The following RASAL2 variants were observed in gnomAD, a reference collection of about 807,000 sequenced individuals.
The protein encoded by RASAL2 is RAS protein activator like 2.
Under a neutral mutation model 128.9 loss-of-function variants are expected in RASAL2, and 58 were observed. The ratio of observed to expected loss-of-function variants is 0.45; its 90% CI spans 0.36 to 0.56. The LOEUF is 0.56. Ranked by LOEUF, RASAL2 falls within the 20% of genes least tolerant of loss-of-function variation. The pLI, the probability that RASAL2 is intolerant of heterozygous loss-of-function variation, is 0.00. For synonymous variants in RASAL2, 561 were observed against 580.8 expected (o/e 0.97, Z 0.49); for missense variants, 1,360 against 1,601.6 (o/e 0.85, Z 2.57).
At chr1:178,162,443 A>T (rs1445127400) in intron 1 of RASAL2, among the ~76,000 whole-genome samples, 1 of 116,880 alleles carries the variant, frequency 8.6e-6, no homozygotes, top group African/African-American at 3.5e-5. Context: ...TTTATATATA[A>T]TATATATAAT....
intron 1 of RASAL2, among the ~76,000 whole-genome samples, chr1:178,160,754 T>C (rs988119314): frequency 6.6e-6 from 1 of 152,228 alleles, no homozygotes; most frequent in African/African-American, 2.4e-5. Context: ...TGGAACACTG[T>C]GAAAGAAACG....
At chr1:178,136,559 C>A (rs946566849) in intron 1 of RASAL2, among the ~76,000 whole-genome samples, 7 of 151,644 alleles carry the variant, frequency 4.6e-5, no homozygotes, top group African/African-American at 1.7e-4. Context: ...AGTTCGAGAC[C>A]AGCCTGGCCA....
At chr1:178,140,017 A>G (rs1344806153) in intron 1 of RASAL2, among the ~76,000 whole-genome samples, 1 of 152,082 alleles carries the variant, frequency 6.6e-6, no homozygotes, top group Non-Finnish European at 1.5e-5. Context: ...AGAACTTGTC[A>G]CCTTATTGGT....
intron 3 of RASAL2, among the ~76,000 whole-genome samples, chr1:178,302,353 A>G (rs1041153242): frequency 2.0e-5 from 3 of 152,206 alleles, no homozygotes; most frequent in Non-Finnish European, 4.4e-5. Flanking sequence ...TTGATTGTCT[A>G]TATACTAGCA....
chr1:178,156,823 A>G (rs768053532), intron 1 of RASAL2, among the ~76,000 whole-genome samples: 15 of 152,230 alleles, frequency 9.9e-5, no homozygotes, highest in Non-Finnish European at 1.9e-4. Flanking sequence ...TCTTAGGTAC[A>G]TAATACTCAT....
At chr1:178,398,758 A>C (rs1008566762) in intron 4 of RASAL2, among the ~76,000 whole-genome samples, 3 of 152,194 alleles carry the variant, frequency 2.0e-5, no homozygotes, top group African/African-American at 7.2e-5. Context: ...TCCCAGGGCC[A>C]AAACCCTAAG....
intron 3 of RASAL2, among the ~76,000 whole-genome samples, chr1:178,382,805 G>A (rs1415396754): frequency 6.6e-6 from 1 of 152,082 alleles, no homozygotes; most frequent in African/African-American, 2.4e-5. Flanking sequence ...TGTACTTGTC[G>A]TTGTTATGTT....
At chr1:178,122,433 T>C (rs1339140370) in intron 1 of RASAL2, among the ~76,000 whole-genome samples, 5 of 152,292 alleles carry the variant, frequency 3.3e-5, no homozygotes, top group African/African-American at 7.2e-5. Context: ...GAAGTTGAAA[T>C]TGACATGGCC....
rs532282742 is a variant in RASAL2 at position 178,241,130 on chromosome 1, G to A, written c.203-42434G>A. ...ATTTATGAATACACTTGAATATTTA[G>A]GTTTTGACATTTATGCTTCTTTCTG... On this transcript the variant is annotated intron_variant, in intron 1 of 17. Coordinates refer to ENST00000367649, the MANE Select transcript of RASAL2 (RefSeq NM_170692.4). 6.2e-4 allele frequency among the ~76,000 whole-genome samples: 94 copies of A among 151,954 alleles called. No homozygotes were observed. The South Asian group carries it at 0.019, about 30-fold the overall frequency.
At chr1:178,309,264 G>A (rs1668130908) in intron 3 of RASAL2, among the ~76,000 whole-genome samples, 1 of 152,046 alleles carries the variant, frequency 6.6e-6, no homozygotes, top group Non-Finnish European at 1.5e-5. Context: ...AAAATGTCAT[G>A]TCTTATTCCT....
chr1:178,374,018 T>G (rs1671861155), intron 3 of RASAL2, among the ~76,000 whole-genome samples: 1 of 152,150 alleles, frequency 6.6e-6, no homozygotes, highest in Non-Finnish European at 1.5e-5. Context: ...ACAATAAGTT[T>G]AGTTGCTGAG....
At chr1:178,453,013 C>A (rs980589738) in intron 11 of RASAL2, among the ~76,000 whole-genome samples, 1 of 151,796 alleles carries the variant, frequency 6.6e-6, no homozygotes, top group African/African-American at 2.4e-5. Context: ...TATGAAAACA[C>A]AAAAATCTAA....
chr1:178,128,915 G>A (rs1285628764), intron 1 of RASAL2, among the ~76,000 whole-genome samples: 6 of 151,742 alleles, frequency 4.0e-5, no homozygotes, highest in African/African-American at 1.5e-4. Context: ...ACCATACTTT[G>A]TTTATTCATT....
Position 178,263,932 on chromosome 1 carries a change from A to G in RASAL2, c.203-19632A>G, listed in dbSNP as rs145092500. Among the ~76,000 whole-genome samples, 56 of 152,352 alleles carry G rather than the reference A, an allele frequency of 3.7e-4. 1 individual carries two copies. In the South Asian group the frequency reaches 4.4e-3, roughly 12 times the overall value. ...TGTTAAACAACTCCATAGGAATTCT[A>G]GCAGAGGTCAGCGTGTGCCATTGTG... On this transcript the variant is annotated intron_variant, in intron 1 of 17. Transcript: ENST00000367649.
chr1:178,169,471 A>G (rs1239357071), intron 1 of RASAL2, among the ~76,000 whole-genome samples: 2 of 152,148 alleles, frequency 1.3e-5, no homozygotes, highest in Non-Finnish European at 2.9e-5. Flanking sequence ...CTTTTTAATC[A>G]TTACAATTGA....
At chr1:178,353,730 A>C (rs1378193077) in intron 3 of RASAL2, among the ~76,000 whole-genome samples, 1 of 152,230 alleles carries the variant, frequency 6.6e-6, no homozygotes, top group African/African-American at 2.4e-5. Flanking sequence ...GATAGTGACT[A>C]TACGTCACCT....
rs556871822 is a variant in RASAL2, at chr1:178,256,364, AT to A, written c.203-27199del. ...GAACTTTCTCAGCCTGATAAAGGCC[AT>A]CAACAAACATCTACAGCTAATATCA... On this transcript the variant is annotated intron_variant, in intron 1 of 17. Coordinates refer to ENST00000367649, the MANE Select transcript of RASAL2 (RefSeq NM_170692.4). 3.3e-3 allele frequency among the ~76,000 whole-genome samples: 496 copies of A among 152,342 alleles called. 8 individuals carry two copies. The highest frequency in any genetic ancestry group is 0.011 in the African/African-American group (459 of 41,580).
At chr1:178,181,052 A>G (rs1340524924) in intron 1 of RASAL2, among the ~76,000 whole-genome samples, 1 of 152,126 alleles carries the variant, frequency 6.6e-6, no homozygotes, top group East Asian at 1.9e-4. Context: ...CATTTATGAT[A>G]TTGATACTTT....
intron 1 of RASAL2, among the ~76,000 whole-genome samples, chr1:178,242,165 A>T (rs1046223997): frequency 4.0e-5 from 6 of 150,694 alleles, no homozygotes; most frequent in South Asian, 2.1e-4. Context: ...CAGGTAGTAA[A>T]CTCTCCATTT....
Sources: allele counts gnomAD v4.1 joint callset (sites outside exome capture counted in the v4.1 genomes callset), GRCh38; gene constraint gnomAD v4.1.1; transcripts MANE v1.5; gene names NCBI Gene and HGNC (gene_info 2026-07-23, HGNC 2026-07-21).